The following IFT88 variants were observed in gnomAD, a reference collection of about 807,000 sequenced individuals.
IFT88 encodes the protein intraflagellar transport protein 88 homolog.
In IFT88, 74 loss-of-function variants were observed where a neutral mutation model predicts 119.5. That is an observed-to-expected ratio of 0.62 (90% confidence interval 0.51 to 0.75). IFT88 has a LOEUF of 0.75. Among genes scored for constraint, IFT88 ranks in the 30% least tolerant of loss-of-function variants. IFT88 has a pLI of 0.00. For synonymous variants in IFT88, 279 were observed against 316.7 expected (o/e 0.88, Z 1.26); for missense variants, 961 against 977.7 (o/e 0.98, Z 0.23).
chr13:20,617,608 G>T (rs917898529), intron 14 of IFT88, among the ~76,000 whole-genome samples: 1 of 152,058 alleles, frequency 6.6e-6, no homozygotes, highest in Non-Finnish European at 1.5e-5. Context: ...CATCTCTGTT[G>T]CCAGAGAGGC....
At chr13:20,674,902 A>G (rs1038045060) in intron 24 of IFT88, among the ~76,000 whole-genome samples, 12 of 151,356 alleles carry the variant, frequency 7.9e-5, no homozygotes, top group Non-Finnish European at 1.8e-4. Flanking sequence ...TTTAGTAGAG[A>G]TGGGGTTTCA....
chr13:20,647,495 G>A (rs1484179707), intron 20 of IFT88, among the ~76,000 whole-genome samples: 1 of 152,140 alleles, frequency 6.6e-6, no homozygotes, highest in Non-Finnish European at 1.5e-5. Flanking sequence ...TTGCCTTGCT[G>A]TATCTCTTAG....
chr13:20,676,121 G>A (rs1299953516), intron 24 of IFT88, among the ~76,000 whole-genome samples: 2 of 152,198 alleles, frequency 1.3e-5, no homozygotes, highest in Admixed American at 6.5e-5. Flanking sequence ...CATATGATGA[G>A]ATTTTGTATC....
At chr13:20,666,762 T>G (rs951114615) in intron 23 of IFT88, among the ~76,000 whole-genome samples, 1 of 152,190 alleles carries the variant, frequency 6.6e-6, no homozygotes, top group African/African-American at 2.4e-5. Flanking sequence ...AAATGTTCTT[T>G]TAAAAATGCA....
chr13:20,630,033 A>T (rs2047950087), intron 15 of IFT88, among the ~76,000 whole-genome samples: 1 of 152,088 alleles, frequency 6.6e-6, no homozygotes, highest in African/African-American at 2.4e-5. Context: ...ACATACTTTC[A>T]TTTCTCATGA....
intron 13 of IFT88, among the ~76,000 whole-genome samples, chr13:20,606,493 C>T (rs2043485619): frequency 6.6e-6 from 1 of 152,166 alleles, no homozygotes; most frequent in Admixed American, 6.5e-5. Flanking sequence ...TGGAGTGTCT[C>T]CTTCCTCTGC....
At chr13:20,607,670 C>A in intron 13 of IFT88, 1 of 881,474 alleles carries the variant, frequency 1.1e-6, no homozygotes, top group Non-Finnish European at 1.9e-6. Flanking sequence ...CTCAGCTTTC[C>A]TGGTCAGCAG....
At chr13:20,597,604 T>C (rs868105670) in intron 9 of IFT88, among the ~76,000 whole-genome samples, 105 of 151,544 alleles carry the variant, frequency 6.9e-4, no homozygotes, top group Middle Eastern at 3.4e-3. Flanking sequence ...ATTAGCCGGG[T>C]GTGGTGGCGG....
intron 5 of IFT88, 27 bp downstream of exon 5, chr13:20,591,047 T>A (rs1422469633): frequency 6.4e-7 from 1 of 1,558,632 alleles, no homozygotes. Context: ...CATGTTCATT[T>A]TGTGCCTTTC....
At chr13:20,579,566 G>A (rs1269826033) in intron 2 of IFT88, among the ~76,000 whole-genome samples, 1 of 152,192 alleles carries the variant, frequency 6.6e-6, no homozygotes, top group African/African-American at 2.4e-5. Flanking sequence ...CTCTGGCTCA[G>A]GGTAGGTCCA....
chr13:20,578,217 T>G (rs948320483), intron 2 of IFT88, among the ~76,000 whole-genome samples: 2 of 151,354 alleles, frequency 1.3e-5, no homozygotes, highest in African/African-American at 2.4e-5. Context: ...GCTAATTTTT[T>G]GTATTTTTTT....
intron 14 of IFT88, among the ~76,000 whole-genome samples, chr13:20,618,939 C>T (rs2046077442): frequency 6.6e-6 from 1 of 150,862 alleles, no homozygotes; most frequent in Non-Finnish European, 1.5e-5. Flanking sequence ...TCACTACAAG[C>T]TCCACCTCCT....
At chr13:20,689,095 G>A (rs539691093) in intron 24 of IFT88, among the ~76,000 whole-genome samples, 129 of 152,078 alleles carry the variant, frequency 8.5e-4, no homozygotes, top group African/African-American at 2.9e-3. Context: ...CACCACGCCC[G>A]GCTAATTTTT....
chr13:20,663,585 T>A lies in IFT88; in HGVS notation c.2156T>A (p.Met719Lys). Residue 719 changes from methionine to lysine, a missense_variant, in exon 23 of 26, where the codon ATG (methionine) becomes AAG (lysine). By Grantham distance (95) the Met-to-Lys change is moderately conservative (BLOSUM62 -1). Coordinates refer to ENST00000351808, the MANE Select transcript of IFT88 (RefSeq NM_006531.5). ...AGAAAACTGAAGAGGTTGGAAAAAA[T>A]GAAAGAAATAAGGGAACAGGTATCT... is the stretch of plus-strand genomic sequence containing the variant. Reference protein sequence around the residue: ...YARKLKRLEKMKEIREQRIKS... With the variant: ...YARKLKRLEKKKEIREQRIKS... 1.2e-6 allele frequency: 2 copies of A among 1,613,052 alleles called. No homozygotes were observed. Among genetic ancestry groups the A allele is most frequent in the East Asian group, 4.5e-5 (2 of 44,810 alleles).
rs1385475823 is a variant in IFT88 at position 20,690,826 on chromosome 13, TC to T, written c.2353+13del. ...GTAACAAAGAAATAGGCAAGTACTC[TC>T]CACCCAGTTCCTCCAGGCATAGCAG... On this transcript the variant is annotated intron_variant, in intron 25 of 25. Transcript: ENST00000351808. The T allele has an allele frequency of 6.4e-7, 1 of 1,564,716 alleles. No homozygotes were observed. Among genetic ancestry groups the T allele is most frequent in the East Asian group, 2.2e-5 (1 of 44,676 alleles).
chr13:20,602,350 A>G (rs1465233009), intron 12 of IFT88, among the ~76,000 whole-genome samples: 1 of 151,712 alleles, frequency 6.6e-6, no homozygotes. Context: ...GATTACAGGC[A>G]TGCGCCACCA....
intron 14 of IFT88, among the ~76,000 whole-genome samples, chr13:20,625,447 A>C (rs1386135789): frequency 6.6e-6 from 1 of 152,204 alleles, no homozygotes; most frequent in Non-Finnish European, 1.5e-5. Context: ...AAATATGTGG[A>C]AACTGTCGTC....
intron 14 of IFT88, among the ~76,000 whole-genome samples, chr13:20,624,414 G>T (rs2046995943): frequency 6.6e-6 from 1 of 152,142 alleles, no homozygotes; most frequent in African/African-American, 2.4e-5. Flanking sequence ...TTGGGTAAAA[G>T]GAAGGCTAGT....
At chr13:20,610,460 T>C (rs993524508) in intron 13 of IFT88, among the ~76,000 whole-genome samples, 2 of 152,144 alleles carry the variant, frequency 1.3e-5, no homozygotes, top group African/African-American at 2.4e-5. Context: ...GGGATAATTT[T>C]GCACTGTGGA....
Sources: gnomAD v4.1 joint callset for allele counts (sites outside exome capture counted in the v4.1 genomes callset) on GRCh38, gnomAD v4.1.1 for gene constraint, MANE v1.5 for transcripts, NCBI Gene and HGNC (gene_info 2026-07-23, HGNC 2026-07-21) for gene names.